RGL1: variants seen among roughly 807,000 people sequenced by gnomAD.
RGL1 encodes the protein ral guanine nucleotide dissociation stimulator like 1.
In RGL1, 24 loss-of-function variants were observed where a neutral mutation model predicts 95.2. That is an observed-to-expected ratio of 0.25 (90% CI 0.18 to 0.35). The LOEUF is 0.35. Among genes scored for constraint, RGL1 ranks in the 10% least tolerant of loss-of-function variants. RGL1 has a pLI of 1.00. For synonymous variants in RGL1, 329 were observed against 344.9 expected, an observed-to-expected ratio of 0.95 and a Z score of 0.51; for missense variants, 715 against 936.3, an observed-to-expected ratio of 0.76 and a Z score of 3.08.
intron 1 of RGL1, among the ~76,000 whole-genome samples, chr1:183,673,405 C>T (rs1056361134): frequency 5.9e-5 from 9 of 152,294 alleles, no homozygotes; most frequent in Admixed American, 5.2e-4. Context: ...TCTCTTTGCA[C>T]TTAGAGAGTA....
intron 1 of RGL1, among the ~76,000 whole-genome samples, chr1:183,700,624 C>T (rs928429482): frequency 6.6e-6 from 1 of 151,036 alleles, no homozygotes; most frequent in African/African-American, 2.4e-5. Flanking sequence ...CGGCTCACTG[C>T]AACCTCTGCC....
chr1:183,729,398 C>A (rs1656499847), intron 1 of RGL1, among the ~76,000 whole-genome samples: 1 of 152,102 alleles, frequency 6.6e-6, no homozygotes, highest in Non-Finnish European at 1.5e-5. Flanking sequence ...ATGAAAATTA[C>A]AACCACAATG....
intron 1 of RGL1, among the ~76,000 whole-genome samples, chr1:183,672,159 C>T (rs896525476): frequency 3.3e-5 from 5 of 152,090 alleles, no homozygotes; most frequent in Non-Finnish European, 7.4e-5. Flanking sequence ...TTTCAAACTC[C>T]TGACCTTAGG....
chr1:183,850,811 C>T (rs961232837), intron 3 of RGL1, among the ~76,000 whole-genome samples: 1 of 152,114 alleles, frequency 6.6e-6, no homozygotes, highest in African/African-American at 2.4e-5. Context: ...TGTTGGCAGG[C>T]AGTATGAATT....
intron 2 of RGL1, among the ~76,000 whole-genome samples, chr1:183,743,191 T>G (rs1037384524): frequency 7.2e-5 from 11 of 152,244 alleles, no homozygotes; most frequent in African/African-American, 2.2e-4. Context: ...TTTTAAATTT[T>G]TTGTAAAGAT....
intron 2 of RGL1, among the ~76,000 whole-genome samples, chr1:183,782,091 A>G (rs900072629): frequency 1.2e-4 from 19 of 152,188 alleles, no homozygotes; most frequent in African/African-American, 4.6e-4. Context: ...TTCACACCTT[A>G]CAAGTTAATG....
intron 2 of RGL1, among the ~76,000 whole-genome samples, chr1:183,762,191 C>G (rs548618499): frequency 7.9e-4 from 121 of 152,238 alleles, no homozygotes; most frequent in Non-Finnish European, 1.2e-3. Context: ...CCATTTGGCA[C>G]AAGAGGCTTA....
At chr1:183,918,220 G>A (rs767070112) in intron 16 of RGL1, among the ~76,000 whole-genome samples, 28 of 152,342 alleles carry the variant, frequency 1.8e-4, no homozygotes, top group Non-Finnish European at 3.8e-4. Context: ...ATGGGCTGGT[G>A]CAAGGCTGGT....
rs756704886 is a variant in RGL1, at chr1:183,912,101, A to G, written c.1582A>G (p.Met528Val). ...TTCCAGACTGTTTCTAGGGTCTGAC[A>G]TGATCACCAGTCCCACTCCCACCAA... ...RLSLLFLGSD[M>V]ITSPTPTKEQ... is the part of the protein sequence containing the mutation. The change falls in exon 15 of 18, where the codon ATG becomes GTG. Residue 528 changes from methionine (M) to valine (V), a missense_variant. Met to Val is a conservative substitution (Grantham distance 21). This residue lies in a region of RGL1 where 330 missense variants were observed against 429.6 expected (regional missense o/e 0.77). Coordinates refer to ENST00000360851, the MANE Select transcript of RGL1 (RefSeq NM_001297671.3). 3.1e-6 allele frequency: 5 copies of G among 1,614,024 alleles called. 1 individual carries two copies. The South Asian group carries it at 5.5e-5, about 18-fold the overall frequency.
chr1:183,882,575 C>T (rs1267350359), intron 5 of RGL1, among the ~76,000 whole-genome samples: 1 of 152,188 alleles, frequency 6.6e-6, no homozygotes, highest in East Asian at 1.9e-4. Context: ...GTTTGTGTCG[C>T]AGACTCCGGG....
Position 183,900,234 on chromosome 1 carries a change from G to A in RGL1, c.1315G>A (p.Glu439Lys), listed in dbSNP as rs1260417718. ...TGACACTGCCCTTCAGGACTACATCGAGGTGAGTTCCATGTGGGTGGTGTG... is the reference window on the plus strand; with the variant it reads ...TGACACTGCCCTTCAGGACTACATCAAGGTGAGTTCCATGTGGGTGGTGTG... ...MLDTALQDYI[E>K]GGLINFEKRR... Residue 439 changes from glutamate to lysine, a missense_variant and splice_region_variant, in exon 11 of 18, where the codon GAG becomes AAG. Transcript: ENST00000360851. The A allele has an allele frequency of 2.4e-5, 39 of 1,613,282 alleles. No homozygotes were observed. Among genetic ancestry groups the A allele is most frequent in the Non-Finnish European group, 3.0e-5 (35 of 1,179,406 alleles).
intron 4 of RGL1, among the ~76,000 whole-genome samples, chr1:183,880,044 T>C (rs1051428974): frequency 3.3e-5 from 5 of 152,254 alleles, no homozygotes; most frequent in Non-Finnish European, 5.9e-5. Context: ...TTGAAACATA[T>C]TCCTCTCATT....
chr1:183,789,241 C>T (rs1290720095), intron 2 of RGL1, among the ~76,000 whole-genome samples: 4 of 151,822 alleles, frequency 2.6e-5, no homozygotes, highest in Non-Finnish European at 5.9e-5. Flanking sequence ...ATCAGGAGTT[C>T]GAGAGCAGCC....
chr1:183,808,466 T>C (rs747666085), intron 2 of RGL1, among the ~76,000 whole-genome samples: 3 of 152,222 alleles, frequency 2.0e-5, no homozygotes, highest in Non-Finnish European at 4.4e-5. Context: ...TCTCCAGCTC[T>C]AATCTACGTG....
intron 15 of RGL1, 28 bp from the exon 16 acceptor site, chr1:183,916,419 T>G (rs761603055): frequency 1.2e-6 from 2 of 1,609,918 alleles, no homozygotes; most frequent in African/African-American, 2.7e-5. Context: ...CTAATCTGTT[T>G]TCTTCTGGGG....
chr1:183,884,733 A>G lies in RGL1; in HGVS notation c.746A>G (p.Lys249Arg). 1.2e-6 allele frequency: 2 copies of G among 1,614,030 alleles called. No homozygotes were observed. The highest frequency in any genetic ancestry group is 1.7e-6 in the Non-Finnish European group (2 of 1,179,912). Residue 249 changes from lysine to arginine, a missense_variant, in exon 7 of 18, where the codon AAG becomes AGG. This residue lies in a region of RGL1 where 381 missense variants were observed against 484.8 expected (regional missense o/e 0.79). Coordinates refer to ENST00000360851, the MANE Select transcript of RGL1 (RefSeq NM_001297671.3). ...CCTCTTTTGTTCCAGCAACTCTTCAAGAAAGTAGTGCCTCACCACTGCCTG... is the reference window on the plus strand; with the variant it reads ...CCTCTTTTGTTCCAGCAACTCTTCAGGAAAGTAGTGCCTCACCACTGCCTG... ...QLTYMDAQLF[K>R]KVVPHHCLGC...
chr1:183,892,284 G>A (rs1667470813), intron 9 of RGL1, 123 bp downstream of exon 9: 1 of 683,572 alleles, frequency 1.5e-6, no homozygotes, highest in African/African-American at 1.8e-5. Context: ...GTAACTAGAA[G>A]GCAAAAAATT....
chr1:183,742,949 C>T (rs1317088703), intron 2 of RGL1, among the ~76,000 whole-genome samples: 1 of 152,132 alleles, frequency 6.6e-6, no homozygotes, highest in Non-Finnish European at 1.5e-5. Flanking sequence ...GGCCTAATTT[C>T]CCTGAGCTTG....
intron 7 of RGL1, 35 bp downstream of exon 7, chr1:183,884,973 G>A (rs1558271075): frequency 3.2e-6 from 5 of 1,564,790 alleles, no homozygotes; most frequent in African/African-American, 2.7e-5. Flanking sequence ...TTTGTGTTTG[G>A]TAGATGCAAG....
Sources: allele counts gnomAD v4.1 joint callset (sites outside exome capture counted in the v4.1 genomes callset), GRCh38; gene constraint gnomAD v4.1.1; regional missense constraint gnomAD v4.1.1; transcripts MANE v1.5; gene names NCBI Gene and HGNC (gene_info 2026-07-23, HGNC 2026-07-21).